CSMD1: variants seen among roughly 807,000 people sequenced by gnomAD.
CSMD1 encodes the protein CUB and sushi domain-containing protein 1.
In CSMD1, 213 loss-of-function variants were observed where a neutral mutation model predicts 417.5. The observed-to-expected ratio is 0.51, with a 90% CI of 0.46 to 0.57. The LOEUF (loss-of-function observed/expected upper bound fraction) is 0.57. CSMD1 is among the 20% of genes least tolerant of loss of function. CSMD1 has a pLI of 0.00. For synonymous variants in CSMD1, 2,862 were observed against 1,736.8 expected (o/e 1.65, Z -16.11); for missense variants, 6,923 against 4,529.7 (o/e 1.53, Z -15.17).
At chr8:3,382,898 T>C (rs1429576032) in intron 18 of CSMD1, among the ~76,000 whole-genome samples, 1 of 152,126 alleles carries the variant, frequency 6.6e-6, no homozygotes, top group Non-Finnish European at 1.5e-5. Context: ...TTTTCCAAGA[T>C]TTAAAAACTA....
At chr8:4,151,242 C>G (rs910787748) in intron 3 of CSMD1, among the ~76,000 whole-genome samples, 1 of 152,140 alleles carries the variant, frequency 6.6e-6, no homozygotes, top group Admixed American at 6.5e-5. Context: ...GTGAAGTTTA[C>G]TTGGAAAGCT....
At chr8:4,194,922 C>T (rs190271857) in intron 3 of CSMD1, among the ~76,000 whole-genome samples, 1 of 151,760 alleles carries the variant, frequency 6.6e-6, no homozygotes, top group Non-Finnish European at 1.5e-5. Context: ...TGGGAGATCA[C>T]AGTAGAAGAG....
chr8:3,656,113 G>A (rs150714011), intron 7 of CSMD1, among the ~76,000 whole-genome samples: 2 of 152,164 alleles, frequency 1.3e-5, no homozygotes, highest in East Asian at 3.9e-4. Flanking sequence ...AAGATCATGG[G>A]GTGCGCAGTG....
At chr8:3,808,696 A>G (rs1045055284) in intron 5 of CSMD1, among the ~76,000 whole-genome samples, 1 of 152,186 alleles carries the variant, frequency 6.6e-6, no homozygotes, top group African/African-American at 2.4e-5. Flanking sequence ...TTGGCACTCT[A>G]GAAGTTCCCA....
chr8:4,622,495 T>C (rs1801840290), intron 2 of CSMD1, among the ~76,000 whole-genome samples: 2 of 152,056 alleles, frequency 1.3e-5, no homozygotes, highest in African/African-American at 4.8e-5. Flanking sequence ...AAGCAGAAAT[T>C]AGTAAGAATG....
At chr8:4,317,254 T>C in intron 3 of CSMD1, among the ~76,000 whole-genome samples, 1 of 152,214 alleles carries the variant, frequency 6.6e-6, no homozygotes. Flanking sequence ...TTCTTTTTTT[T>C]ACTATGTATG....
intron 3 of CSMD1, among the ~76,000 whole-genome samples, chr8:4,208,258 G>T (rs1559568): frequency 1.6e-4 from 25 of 152,146 alleles, no homozygotes; most frequent in African/African-American, 4.6e-4. Context: ...TTGCCTTCTC[G>T]GTCAAATACA....
chr8:3,480,168 G>C (rs949651615), intron 11 of CSMD1, among the ~76,000 whole-genome samples: 2 of 152,074 alleles, frequency 1.3e-5, no homozygotes. Context: ...AGACCAGCCT[G>C]GGCAACACGG....
At position 4,318,511 on chromosome 8, in the gene CSMD1, G is replaced by A. The variant is rs147149773; in HGVS notation, c.415+101442C>T. Among the ~76,000 whole-genome samples the A allele has an allele frequency of 5.3e-5, 8 of 152,198 alleles. No homozygotes were observed. In the East Asian group the frequency reaches 1.5e-3, roughly 29 times the overall value. Reference sequence around the variant, plus strand: ...CATTCAGGACCTACTCAACTGGCGAGAAAACTTGAGTAAGTACTGATTAAT... The same window carrying A: ...CATTCAGGACCTACTCAACTGGCGAAAAAACTTGAGTAAGTACTGATTAAT... On this transcript the variant is annotated intron_variant, in intron 3 of 69. Transcript: ENST00000635120.
intron 3 of CSMD1, among the ~76,000 whole-genome samples, chr8:4,233,742 G>A (rs1714680): frequency 0.052 from 7,906 of 152,196 alleles, 251 homozygotes; most frequent in Middle Eastern, 0.13. Flanking sequence ...AAATAAAGAT[G>A]TAAGATCTCT....
chr8:4,941,254 T>C (rs1168382806), intron 1 of CSMD1, among the ~76,000 whole-genome samples: 15 of 131,080 alleles, frequency 1.1e-4, no homozygotes, highest in Admixed American at 2.6e-4. Context: ...TTTTGTTGTT[T>C]CAAACACAGT....
chr8:4,828,715 T>C (rs571507069), intron 1 of CSMD1, among the ~76,000 whole-genome samples: 4 of 152,244 alleles, frequency 2.6e-5, no homozygotes, highest in East Asian at 1.9e-4. Flanking sequence ...TGACTTAAAA[T>C]CCTAACGCTA....
At chr8:4,338,242 G>C (rs574188873) in intron 3 of CSMD1, among the ~76,000 whole-genome samples, 46 of 152,268 alleles carry the variant, frequency 3.0e-4, no homozygotes, top group Non-Finnish European at 4.1e-4. Flanking sequence ...TATTAAGTTA[G>C]AATAGTTGCA....
At chr8:4,406,347 A>T (rs1241113087) in intron 3 of CSMD1, among the ~76,000 whole-genome samples, 2 of 152,154 alleles carry the variant, frequency 1.3e-5, no homozygotes, top group Non-Finnish European at 2.9e-5. Flanking sequence ...AAATGACAGA[A>T]TTTAGGGAAA....
chr8:4,338,884 C>G (rs370457852), intron 3 of CSMD1, among the ~76,000 whole-genome samples: 2 of 151,946 alleles, frequency 1.3e-5, no homozygotes, highest in Admixed American at 6.6e-5. Flanking sequence ...AGAAGAGAAC[C>G]TTTTACTAGA....
At chr8:3,021,997 G>T (rs1357986075) in intron 51 of CSMD1, among the ~76,000 whole-genome samples, 3 of 146,676 alleles carry the variant, frequency 2.0e-5, no homozygotes, top group African/African-American at 7.7e-5. Flanking sequence ...CATCAGGAAT[G>T]CACCTGCAAT....
At chr8:3,363,581 G>T (rs915884877) in intron 20 of CSMD1, among the ~76,000 whole-genome samples, 1 of 152,012 alleles carries the variant, frequency 6.6e-6, no homozygotes, top group Admixed American at 6.6e-5. Flanking sequence ...AGGCTGGAGT[G>T]CAGTGGCGCG....
intron 3 of CSMD1, among the ~76,000 whole-genome samples, chr8:4,308,339 T>C (rs137870643): frequency 1.3e-5 from 2 of 152,052 alleles, no homozygotes; most frequent in African/African-American, 4.8e-5. Flanking sequence ...TGTGTATCGT[T>C]TGTGGTGCGT....
chr8:3,496,216 C>G (rs540550795), intron 10 of CSMD1, among the ~76,000 whole-genome samples: 84 of 152,316 alleles, frequency 5.5e-4, no homozygotes, highest in African/African-American at 2.0e-3. Context: ...CCTCCCTCAG[C>G]TATGGCTCCA....
Sources: gnomAD v4.1 joint callset for allele counts (sites outside exome capture counted in the v4.1 genomes callset) on GRCh38, gnomAD v4.1.1 for gene constraint, MANE v1.5 for transcripts, NCBI Gene and HGNC (gene_info 2026-07-23, HGNC 2026-07-21) for gene names.